Variants in PSG9 observed in about 807,000 individuals in gnomAD.
The protein encoded by PSG9 is pregnancy-specific beta-1-glycoprotein 9.
A neutral mutation model predicts 41.9 loss-of-function variants in PSG9; 49 were observed. That is an observed-to-expected ratio of 1.17 (90% CI 0.93 to 1.48). The LOEUF (loss-of-function observed/expected upper bound fraction) is 1.48, where lower values mean the gene tolerates loss of function less well. Among genes scored for constraint, PSG9 ranks in the 40% most tolerant of loss-of-function variants. The pLI is 0.00. For synonymous variants in PSG9, 263 were observed against 196.8 expected (o/e 1.34, Z -2.82); for missense variants, 641 against 520.3 (o/e 1.23, Z -2.26).
chr19:43,264,619 G>C (rs193271962), intron 2 of PSG9, among the ~76,000 whole-genome samples: 4 of 151,924 alleles, frequency 2.6e-5, no homozygotes, highest in Admixed American at 2.6e-4. Flanking sequence ...CACCACGCCC[G>C]GCTAATTTTT....
intron 2 of PSG9, among the ~76,000 whole-genome samples, chr19:43,263,528 T>C (rs890149070): frequency 8.6e-5 from 13 of 151,852 alleles, no homozygotes; most frequent in Admixed American, 8.5e-4. Context: ...TTTGTTATAC[T>C]GTAATTTTCC....
At chr19:43,255,870 G>C (rs1253900605) in intron 5 of PSG9, among the ~76,000 whole-genome samples, 1 of 146,450 alleles carries the variant, frequency 6.8e-6, no homozygotes, top group Non-Finnish European at 1.5e-5. Context: ...TCAATAAATT[G>C]AAAGACATTT....
At chr19:43,257,695 G>C in intron 5 of PSG9, 1 of 1,114,046 alleles carries the variant, frequency 9.0e-7, no homozygotes, top group Non-Finnish European at 1.1e-6. Flanking sequence ...GAGTGAGGCA[G>C]GGCCAGTCAC....
At chr19:43,258,784 C>T in intron 4 of PSG9, 73 bp downstream of exon 4, 1 of 1,556,482 alleles carries the variant, frequency 6.4e-7, no homozygotes, top group Non-Finnish European at 8.7e-7. Flanking sequence ...CGGAGAGAGA[C>T]TGAGAGGCCT....
Position 43,267,933 on chromosome 19 carries a change from G to A in PSG9, c.281C>T (p.Ala94Val). The A allele has an allele frequency of 6.2e-7, 1 of 1,613,738 alleles. No homozygotes were observed. Among genetic ancestry groups the A allele is most frequent in the Non-Finnish European group, 8.5e-7 (1 of 1,179,740 alleles). ...VDGKIIIYGP[A>V]YSGRETVYSN... ...ATATACTGTTTCTCTTCCACTGTAT[G>A]CAGGCCCATATATAATTATTTTACC... Residue 94 changes from alanine to valine, a missense_variant, in exon 2 of 6, where the codon GCA becomes GTA. Transcript: ENST00000270077.
intron 1 of PSG9, among the ~76,000 whole-genome samples, 185 bp downstream of exon 1, chr19:43,269,180 ATTT>A (rs1174657266): frequency 6.6e-6 from 1 of 151,710 alleles, no homozygotes; most frequent in Non-Finnish European, 1.5e-5. Context: ...AATTTTTTAT[ATTT>A]TTAGGAGAGA....
Position 43,257,961 on chromosome 19 carries a change from G to A in PSG9, c.1243+241C>T, listed in dbSNP as rs775567762. 5.5e-6 allele frequency: 8 copies of A among 1,452,638 alleles called. 2 individuals carry two copies. Among genetic ancestry groups the A allele is most frequent in the Non-Finnish European group, 9.0e-7 (1 of 1,108,928 alleles). 90.0% of individuals were successfully genotyped at this position (1,452,638 alleles called of 1,614,324 possible). On this transcript the variant is annotated intron_variant, in intron 5 of 5. Transcript: ENST00000270077. ...GCCTCTTCTACCACATAGGGCTCAGGGCTGATAAAGCCCCCTCCCTACCTT... is the reference window on the plus strand; with the variant it reads ...GCCTCTTCTACCACATAGGGCTCAGAGCTGATAAAGCCCCCTCCCTACCTT...
intron 2 of PSG9, 33 bp downstream of exon 2, chr19:43,267,751 C>T (rs768163448): frequency 3.7e-6 from 6 of 1,612,396 alleles, no homozygotes; most frequent in Non-Finnish European, 5.1e-6. Context: ...ACCCCTTCCC[C>T]CCAACACCCA....
rs145308580 is a variant in PSG9 at position 43,266,900 on chromosome 19, G to T, written c.430+884C>A. Among the ~76,000 whole-genome samples the T allele has an allele frequency of 1.5e-3, 224 of 152,200 alleles. 1 individual carries two copies. Among genetic ancestry groups the T allele is most frequent in the African/African-American group, 5.1e-3 (212 of 41,530 alleles). ...TTCTCTCAATCAAATAAACTAAATG[G>T]CAAATGGACTGTGGCTTTTCATGCT... On this transcript the variant is annotated intron_variant, in intron 2 of 5. Transcript: ENST00000270077.
At position 43,258,499 on chromosome 19, in the gene PSG9, G is replaced by T. The variant is rs757911822; in HGVS notation, c.989-43C>A. ...AAGCCACACGTGATGTCATTCGAGG[G>T]AAGGGGATGTTCCTGGTCTCTTAAA... On this transcript the variant is annotated intron_variant, in intron 4 of 5. Coordinates refer to ENST00000270077, the MANE Select transcript of PSG9 (RefSeq NM_002784.5). The T allele has an allele frequency of 8.5e-6, 13 of 1,523,424 alleles. 3 individuals are homozygous for T. In the African/African-American group the frequency reaches 1.9e-4, roughly 23 times the overall value. 94.4% of individuals were successfully genotyped at this position (1,523,424 alleles called of 1,614,324 possible).
At chr19:43,266,142 G>A (rs8110110) in intron 2 of PSG9, among the ~76,000 whole-genome samples, 4 of 151,428 alleles carry the variant, frequency 2.6e-5, no homozygotes, top group Non-Finnish European at 4.4e-5. Flanking sequence ...CAGTGAGGGA[G>A]ACACTGACTT....
intron 3 of PSG9, among the ~76,000 whole-genome samples, chr19:43,261,375 A>G (rs1968701704): frequency 6.6e-6 from 1 of 152,156 alleles, no homozygotes; most frequent in African/African-American, 2.4e-5. Context: ...CCAGTGGGTG[A>G]GAGTCTGTGA....
At chr19:43,258,135 C>A in intron 5 of PSG9, 67 bp downstream of exon 5, 1 of 1,591,352 alleles carries the variant, frequency 6.3e-7, no homozygotes, top group African/African-American at 1.4e-5. Flanking sequence ...GTTTTCCTGA[C>A]TCTTCTCTGA....
At chr19:43,257,830 C>A in intron 5 of PSG9, 2 of 1,353,838 alleles carry the variant, frequency 1.5e-6, no homozygotes, top group Non-Finnish European at 1.9e-6. Flanking sequence ...TCCCTTGTAG[C>A]TCATGGAATA....
At position 43,258,925 on chromosome 19, in the gene PSG9, G is replaced by T; in HGVS notation, c.920C>A (p.Pro307His). ...LPSVTRNETGPYQCEIRDRYG... is the reference protein window; with the variant it reads ...LPSVTRNETGHYQCEIRDRYG... ...TCGGTCCCGTATTTCACATTGATAG[G>T]GTCCTGTTTCATTTCTCGTGACACT... is the stretch of plus-strand genomic sequence containing the variant. The change falls in exon 4 of 6, where the codon CCC becomes CAC. Residue 307 changes from proline to histidine, a missense_variant. Transcript: ENST00000270077. 1 of 1,589,648 alleles carries T rather than the reference G, an allele frequency of 6.3e-7. No homozygotes were observed. Among genetic ancestry groups the T allele is most frequent in the Non-Finnish European group, 8.5e-7 (1 of 1,174,030 alleles).
chr19:43,264,808 A>C (rs1395903624), intron 2 of PSG9, among the ~76,000 whole-genome samples: 1 of 152,120 alleles, frequency 6.6e-6, no homozygotes, highest in Non-Finnish European at 1.5e-5. Context: ...CTTTTTACTT[A>C]GTGTTAGAAC....
chr19:43,269,246 C>A, intron 1 of PSG9, 122 bp downstream of exon 1: 3 of 1,520,578 alleles, frequency 2.0e-6, no homozygotes, highest in Middle Eastern at 4.6e-4. Context: ...TCTCGTGATC[C>A]ACCCACCTCA....
chr19:43,261,032 G>A (rs1289170883), intron 3 of PSG9, among the ~76,000 whole-genome samples: 2 of 152,102 alleles, frequency 1.3e-5, no homozygotes, highest in African/African-American at 4.8e-5. Flanking sequence ...TCTAAAGAAT[G>A]ATCTAGAAAG....
At chr19:43,265,337 T>G (rs1968917051) in intron 2 of PSG9, among the ~76,000 whole-genome samples, 1 of 152,148 alleles carries the variant, frequency 6.6e-6, no homozygotes, top group African/African-American at 2.4e-5. Flanking sequence ...AACTAATTGC[T>G]CCTATAGATA....
Sources: gnomAD v4.1 joint callset for allele counts (sites outside exome capture counted in the v4.1 genomes callset) on GRCh38, gnomAD v4.1.1 for gene constraint, MANE v1.5 for transcripts, NCBI Gene and HGNC (gene_info 2026-07-23, HGNC 2026-07-21) for gene names.